The following SEMA4B variants were observed in gnomAD, a reference collection of about 807,000 sequenced individuals.
The protein encoded by SEMA4B is semaphorin-4B.
SEMA4B carries 55 observed loss-of-function variants against 88.1 expected under a neutral mutation model. The observed-to-expected ratio is 0.62, with a 90% CI of 0.50 to 0.78. The LOEUF is 0.78. SEMA4B is among the 30% of genes least tolerant of loss of function. SEMA4B has a pLI of 0.00. For synonymous variants in SEMA4B, 525 were observed against 473.6 expected (o/e 1.11, Z -1.41); for missense variants, 1,062 against 1,111.9 (o/e 0.96, Z 0.64).
At chr15:90,220,919 C>A in intron 4 of SEMA4B, 63 bp from the exon 5 acceptor site, 2 of 1,119,804 alleles carry the variant, frequency 1.8e-6, no homozygotes, top group South Asian at 1.3e-5. Context: ...CTCTCTCTTT[C>A]TCACCAAGCC....
chr15:90,195,726 C>T (rs2151587039), intron 1 of SEMA4B, among the ~76,000 whole-genome samples: 1 of 152,128 alleles, frequency 6.6e-6, no homozygotes, highest in East Asian at 1.9e-4. Context: ...CCTCCTGCCT[C>T]ACCCCCCGAA....
Position 90,216,362 on chromosome 15 carries a change from C to T in SEMA4B, c.158-1077C>T, listed in dbSNP as rs143180599. On this transcript the variant is annotated intron_variant, in intron 1 of 13. Coordinates refer to ENST00000411539, the MANE Select transcript of SEMA4B (RefSeq NM_198925.4). Reference sequence around the variant, plus strand: ...CCCTCACTTACATCTCCCTTCCATTCCTCCCCCCAACATATTCTGTCACCG... The same window carrying T: ...CCCTCACTTACATCTCCCTTCCATTTCTCCCCCCAACATATTCTGTCACCG... Among the ~76,000 whole-genome samples, 384 of 152,280 alleles carry T rather than the reference C, an allele frequency of 2.5e-3. 3 individuals carry two copies. The highest frequency in any genetic ancestry group is 8.9e-3 in the African/African-American group (368 of 41,556).
At chr15:90,204,596 T>C (rs1462459886) in intron 1 of SEMA4B, among the ~76,000 whole-genome samples, 2 of 152,114 alleles carry the variant, frequency 1.3e-5, no homozygotes, top group Admixed American at 6.5e-5. Flanking sequence ...TCTCTTGCGT[T>C]GGAACTACCA....
chr15:90,226,480 A>T (rs961021788), intron 12 of SEMA4B, among the ~76,000 whole-genome samples: 2 of 152,138 alleles, frequency 1.3e-5, no homozygotes, highest in African/African-American at 4.8e-5. Flanking sequence ...AGCAGGGATT[A>T]CAGGTGCCCG....
intron 1 of SEMA4B, chr15:90,193,318 C>T (rs1031184188): frequency 3.9e-5 from 6 of 152,212 alleles, no homozygotes; most frequent in African/African-American, 1.4e-4. Context: ...GAGAACACAT[C>T]AGCACACTAA....
Position 90,229,349 on chromosome 15 carries a change from A to G in SEMA4B, c.*706A>G. On this transcript the variant is annotated 3_prime_UTR_variant, in exon 14 of 14. Transcript: ENST00000411539. ...GCGAGCTCAGGAGAGATTTCGTGAC[A>G]ATGTACGCCTTTCCCTCAGAATTCA... 1 of 456,810 alleles carries G rather than the reference A, an allele frequency of 2.2e-6. No homozygotes were observed. Among genetic ancestry groups the G allele is most frequent in the Non-Finnish European group, 4.4e-6 (1 of 226,980 alleles). 28.3% of individuals were successfully genotyped at this position (456,810 alleles called of 1,614,324 possible).
At chr15:90,200,117 A>G (rs1474572107), upstream of SEMA4B, among the ~76,000 whole-genome samples, 3 of 152,232 alleles carry the variant, frequency 2.0e-5, no homozygotes, top group Non-Finnish European at 2.9e-5. Flanking sequence ...TAGCTGTAAG[A>G]AAGGAGACCT....
At position 90,228,668 on chromosome 15, in the gene SEMA4B, C is replaced by T. The variant is rs749755283; in HGVS notation, c.*25C>T. On this transcript the variant is annotated 3_prime_UTR_variant, in exon 14 of 14. Coordinates refer to ENST00000411539, the MANE Select transcript of SEMA4B (RefSeq NM_198925.4). ...AGAGCTGACTTCCAGAGGACGCTGC[C>T]CTGGCTTCAGGGGCTGTGAATGCTC... 3 of 1,612,426 alleles carry T rather than the reference C, an allele frequency of 1.9e-6. No homozygotes were observed. The highest frequency in any genetic ancestry group is 1.7e-5 in the Admixed American group (1 of 59,978).
intron 1 of SEMA4B, among the ~76,000 whole-genome samples, chr15:90,190,182 G>A (rs1960302737): frequency 6.6e-6 from 1 of 152,170 alleles, no homozygotes; most frequent in African/African-American, 2.4e-5. Flanking sequence ...TTCCTATCCA[G>A]GCATGGATCT....
intron 1 of SEMA4B, among the ~76,000 whole-genome samples, chr15:90,192,388 T>C (rs922907711): frequency 1.3e-5 from 2 of 152,192 alleles, no homozygotes; most frequent in African/African-American, 2.4e-5. Context: ...ATGGCCTGCA[T>C]GCAGCTGGGC....
chr15:90,228,077 C>T lies in SEMA4B; in HGVS notation c.1948C>T (p.Gln650Ter). The change falls in exon 14 of 14, where the codon CAG (glutamine) becomes TAG (stop). Residue 650 changes from glutamine to a stop codon, truncating the protein, a stop_gained. Coordinates refer to ENST00000411539, the MANE Select transcript of SEMA4B (RefSeq NM_198925.4). LOFTEE classifies it high-confidence loss of function. ...TGDLLLVGTQ[Q>*]LGEFQCWSLE... ...GGACCTGCTGCTGGTGGGCACCCAA[C>T]AGCTGGGGGAGTTCCAGTGCTGGTC... 6.2e-7 allele frequency: 1 copy of T among 1,613,264 alleles called. No homozygotes were observed. Among genetic ancestry groups the T allele is most frequent in the Non-Finnish European group, 8.5e-7 (1 of 1,179,536 alleles).
chr15:90,224,823 C>T, intron 9 of SEMA4B, 145 bp from the exon 10 acceptor site: 1 of 695,924 alleles, frequency 1.4e-6, no homozygotes, highest in Non-Finnish European at 2.6e-6. Context: ...GATGTGCACA[C>T]TGGCTCTGTA....
intron 1 of SEMA4B, among the ~76,000 whole-genome samples, chr15:90,210,992 G>A (rs116105626): frequency 1.3e-5 from 2 of 152,190 alleles, no homozygotes; most frequent in African/African-American, 2.4e-5. Flanking sequence ...TGGTGACATA[G>A]GATTTGGTCT....
chr15:90,199,972 G>A (rs763595132), upstream of SEMA4B, among the ~76,000 whole-genome samples: 21 of 152,192 alleles, frequency 1.4e-4, no homozygotes, highest in Non-Finnish European at 2.1e-4. Flanking sequence ...AGCACTGTGG[G>A]TGCTTGGTGC....
upstream of SEMA4B, among the ~76,000 whole-genome samples, chr15:90,198,306 T>G (rs1960583019): frequency 6.6e-6 from 1 of 152,204 alleles, no homozygotes; most frequent in Admixed American, 6.5e-5. Context: ...GTGACTCAAG[T>G]TGCATTCATT....
At position 90,208,034 on chromosome 15, in the gene SEMA4B, C is replaced by G. The variant is rs568735451; in HGVS notation, c.157+6299C>G. On this transcript the variant is annotated intron_variant, in intron 1 of 13. Coordinates refer to ENST00000411539, the MANE Select transcript of SEMA4B (RefSeq NM_198925.4). ...TTGGGAGGCCGAGGCGGGTGGACCA[C>G]TTGAGGTCAGGAGTTTCGAGACCAG... 2.0e-4 allele frequency among the ~76,000 whole-genome samples: 30 copies of G among 152,276 alleles called. No homozygotes were observed. The South Asian group carries it at 3.7e-3, about 19-fold the overall frequency.
chr15:90,225,482 C>T, intron 11 of SEMA4B, 85 bp downstream of exon 11: 1 of 1,367,506 alleles, frequency 7.3e-7, no homozygotes, highest in Non-Finnish European at 1.0e-6. Flanking sequence ...AGCTTCTCCT[C>T]CCTTGCCTCA....
At position 90,223,704 on chromosome 15, in the gene SEMA4B, G is replaced by A. The variant is rs373184864; in HGVS notation, c.1007G>A (p.Arg336His). 4.2e-5 allele frequency: 68 copies of A among 1,611,684 alleles called. No individual in the cohort carries two copies. The Middle Eastern group carries it at 4.9e-4, about 12-fold the overall frequency. Reference sequence around the variant, plus strand: ...CTGAGCCCCAGCCCCCAGGACTGGCGTGACACCCTTTTCTATGGGGTCTTC... The same window carrying A: ...CTGAGCCCCAGCCCCCAGGACTGGCATGACACCCTTTTCTATGGGGTCTTC... ...FTLSPSPQDW[R>H]DTLFYGVFTS... is the part of the protein sequence containing the mutation. The change falls in exon 8 of 14, where the codon CGT (arginine) becomes CAT (histidine). Residue 336 changes from arginine to histidine, a missense_variant. Transcript: ENST00000411539.
intron 1 of SEMA4B, among the ~76,000 whole-genome samples, chr15:90,215,752 C>T (rs998941252): frequency 1.3e-4 from 20 of 152,046 alleles, no homozygotes; most frequent in African/African-American, 3.1e-4. Context: ...GCGGAGGTTG[C>T]GGTGAGCCGA....
Sources: gnomAD v4.1 joint callset for allele counts (sites outside exome capture counted in the v4.1 genomes callset) on GRCh38, gnomAD v4.1.1 for gene constraint, MANE v1.5 for transcripts, NCBI Gene and HGNC (gene_info 2026-07-23, HGNC 2026-07-21) for gene names.